Variants in CDK5RAP2 observed in about 807,000 individuals in gnomAD.
CDK5RAP2 encodes CDK5 regulatory subunit-associated protein 2.
A neutral mutation model predicts 232.9 loss-of-function variants in CDK5RAP2; 147 were observed. The ratio of observed to expected loss-of-function variants is 0.63; its 90% CI spans 0.55 to 0.72. The LOEUF is 0.72. CDK5RAP2 is among the 30% of genes least tolerant of loss of function. The pLI is 0.00. For missense variants in CDK5RAP2, 2,195 were observed against 2,231.5 expected (o/e 0.98, Z 0.33); for synonymous variants, 833 against 833.7 (o/e 1.00, Z 0.01).
chr9:120,402,694 G>A (rs2033128272), intron 34 of CDK5RAP2, 112 bp downstream of exon 34: 4 of 1,209,446 alleles, frequency 3.3e-6, no homozygotes, highest in Admixed American at 1.8e-5. Context: ...ACACTTCCTG[G>A]TCCCTCTTCT....
intron 3 of CDK5RAP2, among the ~76,000 whole-genome samples, chr9:120,563,057 G>A (rs1026170208): frequency 6.6e-5 from 10 of 152,184 alleles, no homozygotes; most frequent in Non-Finnish European, 1.3e-4. Context: ...CAAGAGTCAT[G>A]GTGGGAGAGA....
At chr9:120,539,208 C>T in intron 5 of CDK5RAP2, 44 bp from the exon 6 acceptor site, 2 of 1,612,518 alleles carry the variant, frequency 1.2e-6, no homozygotes, top group Non-Finnish European at 1.7e-6. Flanking sequence ...GGGTGATGGT[C>T]TGATGGTTAT....
At chr9:120,513,555 T>A (rs2040190935) in intron 12 of CDK5RAP2, among the ~76,000 whole-genome samples, 1 of 152,290 alleles carries the variant, frequency 6.6e-6, no homozygotes, top group East Asian at 1.9e-4. Context: ...ATACAAAACC[T>A]TCCTCTCCCT....
In CDK5RAP2 at chr9:120,536,442, T is replaced by C; in HGVS notation, c.592A>G (p.Lys198Glu). ...TGCATCTTCTTCATCTCTGAAAGCTTGCTTTCCAAACGCAACCGAAGAGCC... is the reference window on the plus strand; with the variant it reads ...TGCATCTTCTTCATCTCTGAAAGCTCGCTTTCCAAACGCAACCGAAGAGCC... ...EKALRLRLESKLSEMKKMHEG... is the reference protein window; with the variant it reads ...EKALRLRLESELSEMKKMHEG... Residue 198 changes from lysine (K) to glutamate (E), a missense_variant, in exon 7 of 38, where the codon AAG (lysine) becomes GAG (glutamate). Coordinates refer to ENST00000349780, the MANE Select transcript of CDK5RAP2 (RefSeq NM_018249.6). The C allele has an allele frequency of 6.2e-7, 1 of 1,614,200 alleles. No individual in the cohort carries two copies. The highest frequency in any genetic ancestry group is 8.5e-7 in the Non-Finnish European group (1 of 1,180,014).
chr9:120,436,174 A>G lies in CDK5RAP2; in HGVS notation c.3955+1121T>C, dbSNP rs368577636. The stretch of plus-strand genomic sequence containing the variant: ...TTGTGTGCCTCCTTAAGAAAACACC[A>G]TAAGAACAAAATAATCTCTTATGCA... On this transcript the variant is annotated intron_variant, in intron 25 of 37. Coordinates refer to ENST00000349780, the MANE Select transcript of CDK5RAP2 (RefSeq NM_018249.6). Among the ~76,000 whole-genome samples the G allele has an allele frequency of 1.4e-4, 21 of 152,370 alleles. No homozygotes were observed. In the East Asian group the frequency reaches 3.1e-3, roughly 22 times the overall value.
chr9:120,496,315 C>T (rs1333319390), intron 12 of CDK5RAP2, among the ~76,000 whole-genome samples: 13 of 132,424 alleles, frequency 9.8e-5, no homozygotes, highest in African/African-American at 2.8e-4. Context: ...CCAGCCGCCC[C>T]GTCCGGGAGG....
chr9:120,402,644 G>A (rs1031565350), intron 34 of CDK5RAP2, among the ~76,000 whole-genome samples, 162 bp downstream of exon 34: 2 of 152,134 alleles, frequency 1.3e-5, no homozygotes, highest in Non-Finnish European at 2.9e-5. Flanking sequence ...ACCACCAATA[G>A]TTCCCCACAC....
At chr9:120,549,941 A>C (rs1588632095) in intron 4 of CDK5RAP2, among the ~76,000 whole-genome samples, 2 of 152,342 alleles carry the variant, frequency 1.3e-5, no homozygotes, top group Admixed American at 1.3e-4. Flanking sequence ...AGACAAGTCA[A>C]TTTAAGTTCA....
Position 120,460,552 on chromosome 9 carries a change from G to T in CDK5RAP2, c.2202+20C>A. The T allele has an allele frequency of 6.2e-6, 10 of 1,610,714 alleles. No homozygotes were observed. Among genetic ancestry groups the T allele is most frequent in the Non-Finnish European group, 8.5e-6 (10 of 1,176,974 alleles). ...TAGAGTGGAGTAGATGAAATAAGGA[G>T]TTAACTGAAAGGTTCCTACCTCATT... On this transcript the variant is annotated intron_variant, in intron 19 of 37. Transcript: ENST00000349780.
Position 120,510,276 on chromosome 9 carries a change from G to T in CDK5RAP2, c.1311+8151C>A, listed in dbSNP as rs529605253. Among the ~76,000 whole-genome samples, 107 of 152,148 alleles carry T rather than the reference G, an allele frequency of 7.0e-4. 1 individual carries two copies. The highest frequency in any genetic ancestry group is 2.3e-3 in the South Asian group (11 of 4,810). ...CGGTACGACTTTAATTAGATTTTTG[G>T]GCTTTAGCCAGCAAATGCATCCCCA... On this transcript the variant is annotated intron_variant, in intron 12 of 37. Coordinates refer to ENST00000349780, the MANE Select transcript of CDK5RAP2 (RefSeq NM_018249.6).
chr9:120,446,604 A>G (rs1021129127), intron 22 of CDK5RAP2, among the ~76,000 whole-genome samples: 1 of 152,152 alleles, frequency 6.6e-6, no homozygotes, highest in South Asian at 2.1e-4. Context: ...AATCTTACCA[A>G]GTAAAAGAGT....
chr9:120,515,181 A>G (rs1009096715), intron 12 of CDK5RAP2, among the ~76,000 whole-genome samples: 2 of 151,126 alleles, frequency 1.3e-5, no homozygotes, highest in Non-Finnish European at 3.0e-5. Context: ...GTTTTAAACT[A>G]AAAAAAAAGG....
chr9:120,571,739 T>C (rs1016721912), intron 2 of CDK5RAP2: 2 of 530,964 alleles, frequency 3.8e-6, no homozygotes, highest in South Asian at 1.9e-5. Context: ...ATAGCTTTAG[T>C]AGCAACAAAT....
chr9:120,481,681 T>G (rs1294525551), intron 14 of CDK5RAP2, among the ~76,000 whole-genome samples: 1 of 151,984 alleles, frequency 6.6e-6, no homozygotes, highest in African/African-American at 2.4e-5. Flanking sequence ...CTCGGCTAAT[T>G]TTTTGTATTT....
intron 27 of CDK5RAP2, among the ~76,000 whole-genome samples, chr9:120,418,106 A>G (rs1324230985): frequency 2.0e-5 from 3 of 152,204 alleles, no homozygotes; most frequent in African/African-American, 7.2e-5. Flanking sequence ...AATATGACAA[A>G]AGACAAAAGA....
chr9:120,450,330 T>C (rs771498251), intron 21 of CDK5RAP2, among the ~76,000 whole-genome samples: 3 of 152,152 alleles, frequency 2.0e-5, no homozygotes, highest in Non-Finnish European at 4.4e-5. Flanking sequence ...ACAAAGTAGA[T>C]TCGTGGTTGC....
Position 120,501,069 on chromosome 9 carries a change from T to C in CDK5RAP2, c.1312-9592A>G, listed in dbSNP as rs1032394006. Among the ~76,000 whole-genome samples, 5 of 152,194 alleles carry C rather than the reference T, an allele frequency of 3.3e-5. No individual in the cohort carries two copies. The South Asian group carries it at 1.0e-3, about 31-fold the overall frequency. On this transcript the variant is annotated intron_variant, in intron 12 of 37. Transcript: ENST00000349780. ...GGCAAGGTGCTAGACACTTTCATAA[T>C]GAGGCATTTACTCTTCACAACATAC...
At chr9:120,411,585 T>C in intron 28 of CDK5RAP2, 111 bp from the exon 29 acceptor site, 1 of 697,242 alleles carries the variant, frequency 1.4e-6, no homozygotes, top group East Asian at 2.6e-5. Flanking sequence ...ACAATGAAAA[T>C]CCCTCCTGTT....
chr9:120,424,129 T>C (rs1004443609), intron 25 of CDK5RAP2, among the ~76,000 whole-genome samples: 5 of 152,212 alleles, frequency 3.3e-5, no homozygotes, highest in African/African-American at 9.6e-5. Context: ...AGTACCTCTG[T>C]TTTAAAGCAA....
Sources: allele counts gnomAD v4.1 joint callset (sites outside exome capture counted in the v4.1 genomes callset), GRCh38; gene constraint gnomAD v4.1.1; transcripts MANE v1.5; gene names NCBI Gene and HGNC (gene_info 2026-07-23, HGNC 2026-07-21).